PRKN: variants seen among roughly 807,000 people sequenced by gnomAD.
PRKN encodes the protein parkin RBR E3 ubiquitin protein ligase.
A neutral mutation model predicts 59.5 loss-of-function variants in PRKN; 56 were observed. The ratio of observed to expected loss-of-function variants is 0.94; its 90% CI spans 0.76 to 1.18. The LOEUF is 1.18. Among genes scored for constraint, PRKN ranks in the 50% most tolerant of loss-of-function variants. The probability of loss-of-function intolerance (pLI) is 0.00; values close to 1 mark genes in which losing one functional copy is unlikely to be tolerated. For missense variants in PRKN, 657 were observed against 596.4 expected (o/e 1.10, Z -1.06); for synonymous variants, 250 against 222.1 (o/e 1.13, Z -1.12).
At chr6:162,192,693 C>A (rs952600512) in intron 4 of PRKN, among the ~76,000 whole-genome samples, 6 of 151,712 alleles carry the variant, frequency 4.0e-5, no homozygotes, top group African/African-American at 1.5e-4. Context: ...ATACATACAA[C>A]AAAACCATGT....
rs544677813 is a variant in PRKN, at chr6:161,687,929, A to G, written c.871+97843T>C. ...AAATTGTAATAAGAAATTGTTTCCC[A>G]ACATACTTTCCTTAGGTTCCCTGCT... On this transcript the variant is annotated intron_variant, in intron 7 of 11. Transcript: ENST00000366898. Among the ~76,000 whole-genome samples, 19 of 152,282 alleles carry G rather than the reference A, an allele frequency of 1.2e-4. 1 individual carries two copies. The South Asian group carries it at 3.9e-3, about 32-fold the overall frequency.
intron 1 of PRKN, among the ~76,000 whole-genome samples, chr6:162,693,788 AAAT>A (rs1777868367): frequency 6.6e-6 from 1 of 152,220 alleles, no homozygotes; most frequent in Non-Finnish European, 1.5e-5. Flanking sequence ...ATAGTGACTA[AAAT>A]AATCATTCAA....
intron 5 of PRKN, among the ~76,000 whole-genome samples, chr6:161,981,640 G>A (rs1781261290): frequency 6.6e-6 from 1 of 152,184 alleles, no homozygotes; most frequent in South Asian, 2.1e-4. Context: ...TTTATCTTGT[G>A]ACTTCTTTAT....
intron 4 of PRKN, among the ~76,000 whole-genome samples, chr6:162,120,559 G>C (rs577573272): frequency 6.6e-6 from 1 of 152,322 alleles, no homozygotes; most frequent in East Asian, 1.9e-4. Context: ...GCTTTTGGTG[G>C]TAAGGTGATA....
At chr6:161,833,418 C>T (rs150270952) in intron 6 of PRKN, among the ~76,000 whole-genome samples, 7 of 152,328 alleles carry the variant, frequency 4.6e-5, no homozygotes, top group African/African-American at 1.2e-4. Context: ...ATATGAAGTG[C>T]TAATCCCTAG....
At chr6:161,670,870 C>G (rs1784883832) in intron 7 of PRKN, among the ~76,000 whole-genome samples, 1 of 151,996 alleles carries the variant, frequency 6.6e-6, no homozygotes, top group Non-Finnish European at 1.5e-5. Context: ...TTTGACCCAC[C>G]AAATCCAGTA....
intron 1 of PRKN, among the ~76,000 whole-genome samples, chr6:162,660,176 ATTT>A (rs1009801038): frequency 6.6e-6 from 1 of 152,230 alleles, no homozygotes; most frequent in African/African-American, 2.4e-5. Context: ...TAGTATAATC[ATTT>A]TATTATAAAG....
chr6:162,556,580 C>G (rs1348519810), intron 1 of PRKN, among the ~76,000 whole-genome samples: 5 of 151,646 alleles, frequency 3.3e-5, no homozygotes, highest in Non-Finnish European at 1.5e-5. Flanking sequence ...AACCCCTTCT[C>G]TACTAAAAAT....
rs1253723800 is a variant in PRKN, at chr6:161,357,305, G to A, written c.1285+2783C>T. On this transcript the variant is annotated intron_variant, in intron 11 of 11. Coordinates refer to ENST00000366898, the MANE Select transcript of PRKN (RefSeq NM_004562.3). This position sits in a 1 kb window ranked among gnomAD's most constrained non-coding sequence, Gnocchi z 5.5. ...GACCTCAGGTGATCCGCCTGCCTTG[G>A]CCTCCCAAAGTGCTGGGATTACCGG... is the stretch of plus-strand genomic sequence containing the variant. Among the ~76,000 whole-genome samples, 1 of 152,104 alleles carries A rather than the reference G, an allele frequency of 6.6e-6. No homozygotes were observed. The highest frequency in any genetic ancestry group is 1.5e-5 in the Non-Finnish European group (1 of 68,012).
At chr6:162,617,900 T>G (rs1407045190) in intron 1 of PRKN, among the ~76,000 whole-genome samples, 2 of 152,096 alleles carry the variant, frequency 1.3e-5, no homozygotes, top group African/African-American at 4.8e-5. Flanking sequence ...GGTTTCAATG[T>G]ATTAGTGCAT....
Position 161,973,427 on chromosome 6 carries a change from A to G in PRKN, c.619-10T>C. ...ATTTAAAGAAAAATTCCTGAAAGAAAGATAAATATGATCACACACATGGAT... is the reference window on the plus strand; with the variant it reads ...ATTTAAAGAAAAATTCCTGAAAGAAGGATAAATATGATCACACACATGGAT... On this transcript the variant is annotated splice_polypyrimidine_tract_variant and intron_variant, in intron 5 of 11. Transcript: ENST00000366898. The G allele has an allele frequency of 6.8e-7, 1 of 1,478,498 alleles. No homozygotes were observed. Among genetic ancestry groups the G allele is most frequent in the Non-Finnish European group, 9.5e-7 (1 of 1,056,494 alleles). 91.6% of individuals were successfully genotyped at this position (1,478,498 alleles called of 1,614,324 possible). A position where few individuals can be genotyped will look rare whatever the true frequency, so the allele number is the denominator to read the frequency against.
intron 6 of PRKN, among the ~76,000 whole-genome samples, chr6:161,837,267 C>T (rs570645498): frequency 3.0e-4 from 45 of 152,158 alleles, no homozygotes; most frequent in African/African-American, 1.1e-3. Context: ...CTTCCTCCTG[C>T]TAATGGCCTG....
At chr6:162,227,304 C>T (rs1778225258) in intron 3 of PRKN, among the ~76,000 whole-genome samples, 1 of 151,984 alleles carries the variant, frequency 6.6e-6, no homozygotes, top group South Asian at 2.1e-4. Context: ...GGGTTTTTTT[C>T]CCCCACCTTA....
chr6:162,040,813 G>A (rs1231584185), intron 5 of PRKN, among the ~76,000 whole-genome samples: 1 of 152,068 alleles, frequency 6.6e-6, no homozygotes, highest in Non-Finnish European at 1.5e-5. Flanking sequence ...GGGAGGTCAA[G>A]TTAGTGGGGA....
chr6:162,075,727 A>C (rs1488994793), intron 4 of PRKN, among the ~76,000 whole-genome samples: 1 of 152,038 alleles, frequency 6.6e-6, no homozygotes, highest in Non-Finnish European at 1.5e-5. Context: ...AAGGACTATA[A>C]GGAAAAGTGC....
intron 6 of PRKN, among the ~76,000 whole-genome samples, chr6:161,885,469 C>T (rs939161154): frequency 2.0e-5 from 3 of 152,036 alleles, no homozygotes; most frequent in Admixed American, 6.6e-5. Context: ...TAGAGACCAT[C>T]CTGGCTAACA....
At chr6:162,429,112 G>C (rs13196996) in intron 2 of PRKN, among the ~76,000 whole-genome samples, 6 of 152,254 alleles carry the variant, frequency 3.9e-5, no homozygotes, top group Non-Finnish European at 8.8e-5. Flanking sequence ...GCATGTACCG[G>C]AATACTGACT....
At chr6:162,319,170 A>G (rs578036798) in intron 2 of PRKN, among the ~76,000 whole-genome samples, 2 of 151,900 alleles carry the variant, frequency 1.3e-5, no homozygotes, top group South Asian at 2.1e-4. Flanking sequence ...TTTGTTTTAA[A>G]AGGAAAAATA....
intron 1 of PRKN, among the ~76,000 whole-genome samples, chr6:162,647,593 C>T (rs1778235191): frequency 2.6e-5 from 4 of 152,040 alleles, no homozygotes; most frequent in Non-Finnish European, 4.4e-5. Context: ...ATAGAAGCTA[C>T]CTGAATCCTT....
Sources: gnomAD v4.1 joint callset for allele counts (sites outside exome capture counted in the v4.1 genomes callset) on GRCh38, gnomAD v4.1.1 for gene constraint, Gnocchi (gnomAD v3.1) non-coding constraint, MANE v1.5 for transcripts, NCBI Gene and HGNC (gene_info 2026-07-23, HGNC 2026-07-21) for gene names.